SOX6: variants seen among roughly 807,000 people sequenced by gnomAD.
SOX6 encodes SRY-box transcription factor 6.
A neutral mutation model predicts 97.8 loss-of-function variants in SOX6; 11 were observed. That is an observed-to-expected ratio of 0.11 (90% CI 0.07 to 0.19). The LOEUF (loss-of-function observed/expected upper bound fraction) is 0.19, where lower values mean the gene tolerates loss of function less well. Ranked by LOEUF, SOX6 falls within the 10% of genes least tolerant of loss-of-function variation. The pLI is 1.00. For missense variants in SOX6, 810 were observed against 1,039.5 expected (o/e 0.78, Z 3.04); for synonymous variants, 360 against 371.4 (o/e 0.97, Z 0.35).
intron 1 of SOX6, among the ~76,000 whole-genome samples, chr11:16,374,404 A>C (rs959710333): frequency 3.3e-5 from 5 of 152,086 alleles, no homozygotes; most frequent in African/African-American, 1.2e-4. Context: ...ACCCTTCTGC[A>C]TTCTTCAGAT....
At chr11:16,049,978 C>G in intron 10 of SOX6, 40 bp from the exon 11 acceptor site, 1 of 1,604,904 alleles carries the variant, frequency 6.2e-7, no homozygotes, top group Non-Finnish European at 8.5e-7. Context: ...TTACAAAAGA[C>G]AAATGAAGCA....
At chr11:16,407,302 A>T (rs973877035) in intron 1 of SOX6, among the ~76,000 whole-genome samples, 1 of 152,142 alleles carries the variant, frequency 6.6e-6, no homozygotes, top group Non-Finnish European at 1.5e-5. Flanking sequence ...GCCCTATCAC[A>T]TCTCTATGCT....
intron 4 of SOX6, among the ~76,000 whole-genome samples, chr11:16,193,247 T>C (rs1851676874): frequency 6.6e-6 from 1 of 152,114 alleles, no homozygotes; most frequent in South Asian, 2.1e-4. Flanking sequence ...TGGCTCACAA[T>C]TGCAATCCTA....
At chr11:16,140,522 T>C (rs927703538) in intron 6 of SOX6, among the ~76,000 whole-genome samples, 32 of 152,306 alleles carry the variant, frequency 2.1e-4, no homozygotes, top group African/African-American at 7.2e-4. Context: ...CAAATGGTGA[T>C]AAAATCCATA....
intron 4 of SOX6, among the ~76,000 whole-genome samples, chr11:16,495,384 A>G (rs1860577300): frequency 6.6e-6 from 1 of 152,138 alleles, no homozygotes; most frequent in South Asian, 2.1e-4. Context: ...TGTACCACCA[A>G]GGGGGACTTG....
At chr11:16,718,613 C>A (rs1002467993) in intron 2 of SOX6, among the ~76,000 whole-genome samples, 1 of 152,012 alleles carries the variant, frequency 6.6e-6, no homozygotes, top group African/African-American at 2.4e-5. Context: ...TGCCAAGAAA[C>A]AAGTCTGAAA....
Position 15,972,732 on chromosome 11 carries a change from T to C in SOX6, c.*77A>G, listed in dbSNP as rs1206923867. The C allele has an allele frequency of 2.0e-6, 3 of 1,474,120 alleles. No individual in the cohort carries two copies. Among genetic ancestry groups the C allele is most frequent in the African/African-American group, 1.4e-5 (1 of 71,960 alleles). 91.3% of individuals were successfully genotyped at this position (1,474,120 alleles called of 1,614,324 possible). On this transcript the variant is annotated 3_prime_UTR_variant, in exon 16 of 16. Coordinates refer to ENST00000683767, the MANE Select transcript of SOX6 (RefSeq NM_001367873.1). ...ATGTAATTGTGGAGCCACAAATGCA[T>C]GCGGGCTCTTTAATAACTCTTTGTT...
At chr11:16,657,874 C>T (rs1338319162) in intron 3 of SOX6, among the ~76,000 whole-genome samples, 4 of 152,142 alleles carry the variant, frequency 2.6e-5, no homozygotes, top group Non-Finnish European at 5.9e-5. Context: ...GAAGGTTCTG[C>T]AACATGCTAT....
chr11:16,598,227 A>G (rs1171897146), intron 4 of SOX6, among the ~76,000 whole-genome samples: 1 of 152,092 alleles, frequency 6.6e-6, no homozygotes, highest in East Asian at 1.9e-4. Context: ...TAGATAAGGA[A>G]ACTGAGGCTT....
intron 3 of SOX6, among the ~76,000 whole-genome samples, chr11:16,258,752 C>T (rs976035575): frequency 1.3e-5 from 2 of 151,538 alleles, no homozygotes; most frequent in Non-Finnish European, 3.0e-5. Context: ...TTATCTGTTG[C>T]AACAAATCTA....
chr11:16,647,794 T>C (rs1046288056), intron 3 of SOX6, among the ~76,000 whole-genome samples: 1 of 152,096 alleles, frequency 6.6e-6, no homozygotes, highest in East Asian at 1.9e-4. Flanking sequence ...TAAAATGGAT[T>C]CAGGAAGTCA....
chr11:16,689,378 C>A (rs1035883850), intron 3 of SOX6, among the ~76,000 whole-genome samples: 1 of 152,204 alleles, frequency 6.6e-6, no homozygotes, highest in African/African-American at 2.4e-5. Flanking sequence ...CCTGAAAACT[C>A]TCTCAAGGTT....
At chr11:16,691,240 A>T (rs905020213) in intron 3 of SOX6, among the ~76,000 whole-genome samples, 2 of 152,126 alleles carry the variant, frequency 1.3e-5, no homozygotes, top group Non-Finnish European at 2.9e-5. Context: ...CAGCAGAGGA[A>T]GCTAGCTAAA....
At chr11:16,158,259 A>T (rs1245448112) in intron 6 of SOX6, among the ~76,000 whole-genome samples, 1 of 151,650 alleles carries the variant, frequency 6.6e-6, no homozygotes, top group Non-Finnish European at 1.5e-5. Flanking sequence ...GTTCCTTCCA[A>T]TTTCTGTACC....
chr11:16,118,467 T>G (rs2134003679), intron 6 of SOX6, among the ~76,000 whole-genome samples: 1 of 152,390 alleles, frequency 6.6e-6, no homozygotes, highest in South Asian at 2.1e-4. Context: ...GCATCAACAC[T>G]TATCCCCTTT....
chr11:16,485,918 A>G (rs1214509751), intron 4 of SOX6, among the ~76,000 whole-genome samples: 1 of 67,130 alleles, frequency 1.5e-5, no homozygotes, highest in Non-Finnish European at 2.7e-5. Context: ...AAGAAAAGGG[A>G]AGGGGAGGGG....
intron 15 of SOX6, among the ~76,000 whole-genome samples, chr11:15,984,106 T>C (rs1853752484): frequency 6.6e-6 from 1 of 152,180 alleles, no homozygotes; most frequent in Non-Finnish European, 1.5e-5. Flanking sequence ...AACTTCTTTA[T>C]CTTATTTAGA....
At chr11:16,470,461 A>C (rs1341201995) in intron 1 of SOX6, among the ~76,000 whole-genome samples, 1 of 152,126 alleles carries the variant, frequency 6.6e-6, no homozygotes, top group East Asian at 1.9e-4. Context: ...CTAAAAATCT[A>C]TGTAATTCAA....
intron 6 of SOX6, among the ~76,000 whole-genome samples, chr11:16,181,466 A>C (rs1753588300): frequency 6.6e-6 from 1 of 151,516 alleles, no homozygotes; most frequent in African/African-American, 2.4e-5. Flanking sequence ...TTTGCTCAGA[A>C]AGCATTTAAA....
Sources: gnomAD v4.1 joint callset for allele counts (sites outside exome capture counted in the v4.1 genomes callset) on GRCh38, gnomAD v4.1.1 for gene constraint, MANE v1.5 for transcripts, NCBI Gene and HGNC (gene_info 2026-07-23, HGNC 2026-07-21) for gene names.